Variants in TBC1D1 observed in about 807,000 individuals in gnomAD.
The protein encoded by TBC1D1 is TBC1 domain family member 1.
TBC1D1 carries 89 observed loss-of-function variants against 125.6 expected under a neutral mutation model. The observed-to-expected ratio is 0.71, with a 90% CI of 0.60 to 0.85. The LOEUF (loss-of-function observed/expected upper bound fraction) is 0.85, where lower values mean the gene tolerates loss of function less well. TBC1D1 is among the 40% of genes least tolerant of loss of function. The pLI, the probability that TBC1D1 is intolerant of heterozygous loss-of-function variation, is 0.00. For missense variants in TBC1D1, 1,377 were observed against 1,469.2 expected (o/e 0.94, Z 1.03); for synonymous variants, 565 against 564.1 (o/e 1.00, Z -0.02).
At chr4:38,025,861 G>A (rs1428823752) in intron 6 of TBC1D1, among the ~76,000 whole-genome samples, 4 of 152,258 alleles carry the variant, frequency 2.6e-5, no homozygotes, top group South Asian at 2.1e-4. Flanking sequence ...TGACTGCATT[G>A]CACTTTGACA....
At chr4:37,978,743 TAAA>T (rs1232110024) in intron 2 of TBC1D1, among the ~76,000 whole-genome samples, 2 of 120,822 alleles carry the variant, frequency 1.7e-5, no homozygotes, top group African/African-American at 6.1e-5. Flanking sequence ...TTTGAGTCAT[TAAA>T]AAGTCATTTC....
At chr4:38,053,352 T>A in intron 11 of TBC1D1, 127 bp downstream of exon 13, 2 of 838,890 alleles carry the variant, frequency 2.4e-6, no homozygotes, top group Non-Finnish European at 3.2e-6. Flanking sequence ...TGTTGTATCT[T>A]CTTTCTTATA....
chr4:38,088,810 A>G lies in TBC1D1; in HGVS notation c.2051-1122A>G, dbSNP rs186384550. 3.3e-5 allele frequency among the ~76,000 whole-genome samples: 5 copies of G among 152,262 alleles called. No individual in the cohort carries two copies. In the East Asian group the frequency reaches 9.6e-4, roughly 29 times the overall value. On this transcript the variant is annotated intron_variant, in intron 12 of 19. Transcript: ENST00000261439. Reference sequence around the variant, plus strand: ...GTTAAGCAACTTGTTAAAGATCACAAAATCAATAATGACAGAGTTTTGATT... The same window carrying G: ...GTTAAGCAACTTGTTAAAGATCACAGAATCAATAATGACAGAGTTTTGATT...
chr4:38,052,486 C>G (rs1254236578), intron 11 of TBC1D1, among the ~76,000 whole-genome samples: 1 of 151,682 alleles, frequency 6.6e-6, no homozygotes, highest in Admixed American at 6.6e-5. Context: ...CACACGCCAC[C>G]ATGCCCGGCT....
intron 2 of TBC1D1, among the ~76,000 whole-genome samples, chr4:37,923,962 G>A (rs1039917183): frequency 2.0e-5 from 3 of 152,170 alleles, no homozygotes; most frequent in Admixed American, 6.5e-5. Context: ...TTACAGGCGT[G>A]AGCCAATGCA....
rs1013163993 is a variant in TBC1D1 at position 37,917,399 on chromosome 4, C to T, written c.417+14887C>T. ...CTGAGGCACGAGAATTGCTTGAACC[C>T]GGGAGGTAGAGGTTGCAGTGAGCCG... On this transcript the variant is annotated intron_variant, in intron 2 of 19. Transcript: ENST00000261439. Among the ~76,000 whole-genome samples, 11 of 152,240 alleles carry T rather than the reference C, an allele frequency of 7.2e-5. No individual in the cohort carries two copies. In the East Asian group the frequency reaches 1.4e-3, roughly 19 times the overall value.
chr4:38,021,097 A>T (rs563191480), intron 5 of TBC1D1, among the ~76,000 whole-genome samples: 8 of 152,244 alleles, frequency 5.3e-5, no homozygotes, highest in Non-Finnish European at 8.8e-5. Flanking sequence ...TCATAGTTCC[A>T]CATGGCCAGC....
intron 15 of TBC1D1, among the ~76,000 whole-genome samples, chr4:38,115,317 G>A (rs1472366099): frequency 1.3e-5 from 2 of 152,040 alleles, no homozygotes. Context: ...GGGCAGGCTG[G>A]TCTCGAACTC....
intron 2 of TBC1D1, among the ~76,000 whole-genome samples, chr4:37,993,501 C>A (rs1463250877): frequency 6.6e-6 from 1 of 152,158 alleles, no homozygotes; most frequent in African/African-American, 2.4e-5. Context: ...GTGAGTGGAT[C>A]AAAGTTCAGT....
intron 19 of TBC1D1, among the ~76,000 whole-genome samples, chr4:38,135,924 ATGTGTGTG>A (rs57275262): frequency 4.0e-4 from 58 of 145,090 alleles, no homozygotes; most frequent in African/African-American, 1.3e-3. Context: ...GTGTGTGTAT[ATGTGTGTG>A]TGTGTGTGTG....
intron 1 of TBC1D1, among the ~76,000 whole-genome samples, chr4:37,900,121 A>C (rs1417079323): frequency 7.3e-6 from 1 of 137,256 alleles, no homozygotes; most frequent in African/African-American, 3.3e-5. Context: ...GAGCCGTCTC[A>C]AAAAAAAAAG....
At chr4:38,007,180 A>G in intron 2 of TBC1D1, 1 of 168,678 alleles carries the variant, frequency 5.9e-6, no homozygotes, top group Non-Finnish European at 1.3e-5. Context: ...TTTTATTTTA[A>G]GAAGGGCGGG....
intron 2 of TBC1D1, among the ~76,000 whole-genome samples, chr4:37,991,434 C>G (rs2152387759): frequency 6.6e-6 from 1 of 152,210 alleles, no homozygotes; most frequent in South Asian, 2.1e-4. Flanking sequence ...GCAGTGGAGC[C>G]CAGCTGGCCT....
At chr4:37,957,913 G>T (rs1437978198) in intron 2 of TBC1D1, among the ~76,000 whole-genome samples, 2 of 152,006 alleles carry the variant, frequency 1.3e-5, no homozygotes, top group East Asian at 3.9e-4. Flanking sequence ...TGTCCTGTAG[G>T]TAGTGTATTT....
chr4:38,060,188 G>A (rs541024622), intron 12 of TBC1D1, among the ~76,000 whole-genome samples: 1 of 152,260 alleles, frequency 6.6e-6, no homozygotes, highest in Admixed American at 6.5e-5. Context: ...GTGAACATAT[G>A]CATGCATGTA....
chr4:38,046,745 T>C (rs1048393086), intron 10 of TBC1D1, among the ~76,000 whole-genome samples: 3 of 152,256 alleles, frequency 2.0e-5, no homozygotes, highest in Admixed American at 6.5e-5. Context: ...AGTATCTATG[T>C]CCTTCTTTTA....
intron 16 of TBC1D1, among the ~76,000 whole-genome samples, chr4:38,116,483 C>A (rs1181675198): frequency 1.3e-5 from 2 of 152,228 alleles, no homozygotes; most frequent in Admixed American, 6.5e-5. Flanking sequence ...TTTTGCACAA[C>A]ACAGCCACTG....
At chr4:38,070,459 C>T (rs747329975) in intron 12 of TBC1D1, among the ~76,000 whole-genome samples, 3 of 152,232 alleles carry the variant, frequency 2.0e-5, no homozygotes, top group Non-Finnish European at 2.9e-5. Context: ...CTCACACGCT[C>T]CTGCATCGCC....
chr4:37,981,574 G>A (rs1014449956), intron 2 of TBC1D1, among the ~76,000 whole-genome samples: 1 of 152,240 alleles, frequency 6.6e-6, no homozygotes, highest in African/African-American at 2.4e-5. Flanking sequence ...AAGTGGCTCC[G>A]GGCTGGGGTG....
Sources: allele counts gnomAD v4.1 joint callset (sites outside exome capture counted in the v4.1 genomes callset), GRCh38; gene constraint gnomAD v4.1.1; transcripts MANE v1.5; gene names NCBI Gene and HGNC (gene_info 2026-07-23, HGNC 2026-07-21).